The following DLG2 variants were observed in gnomAD, a reference collection of about 807,000 sequenced individuals.
DLG2 encodes the protein discs large MAGUK scaffold protein 2, also known as disks large homolog 2.
Under a neutral mutation model 132.5 loss-of-function variants are expected in DLG2, and 45 were observed. The ratio of observed to expected loss-of-function variants is 0.34; its 90% CI spans 0.27 to 0.44. The LOEUF is 0.44. Among genes scored for constraint, DLG2 ranks in the 20% least tolerant of loss-of-function variants. The pLI, the probability that DLG2 is intolerant of heterozygous loss-of-function variation, is 1.00. For missense variants in DLG2, 1,045 were observed against 1,196.9 expected, an observed-to-expected ratio of 0.87 and a Z score of 1.87; for synonymous variants, 424 against 419.6, an observed-to-expected ratio of 1.01 and a Z score of -0.13.
chr11:83,629,336 C>T lies in DLG2; in HGVS notation c.1940+3875G>A, dbSNP rs191110867. Among the ~76,000 whole-genome samples the T allele has an allele frequency of 3.3e-3, 504 of 152,284 alleles. 1 individual carries two copies. Among genetic ancestry groups the T allele is most frequent in the Non-Finnish European group, 5.3e-3 (361 of 68,012 alleles). The stretch of plus-strand genomic sequence containing the variant: ...TCACAGCAACTGTTTCTTAAATCCA[C>T]ATTCAAAACTCAGAGGTTATTTGCT... On this transcript the variant is annotated intron_variant, in intron 19 of 27. Transcript: ENST00000376104.
At chr11:84,902,878 C>G (rs2091059980) in intron 6 of DLG2, among the ~76,000 whole-genome samples, 1 of 152,192 alleles carries the variant, frequency 6.6e-6, no homozygotes, top group African/African-American at 2.4e-5. Context: ...CTCTCTGCCA[C>G]TCCCGTAACT....
intron 7 of DLG2, among the ~76,000 whole-genome samples, chr11:84,402,881 C>CAAAGAAAAAAAAA (rs2098835032): frequency 1.4e-5 from 1 of 73,914 alleles, no homozygotes; most frequent in Non-Finnish European, 2.4e-5. Flanking sequence ...AACTCCGTCT[C>CAAAGAAAAAAAAA]AAAAAAAAAA....
intron 7 of DLG2, among the ~76,000 whole-genome samples, chr11:84,411,703 C>A (rs12419490): frequency 0.032 from 4,855 of 152,172 alleles, 139 homozygotes; most frequent in South Asian, 0.16. Context: ...AAGATCATGT[C>A]CAGTAGTCCT....
At chr11:83,808,095 A>G (rs971824573) in intron 17 of DLG2, among the ~76,000 whole-genome samples, 3 of 152,112 alleles carry the variant, frequency 2.0e-5, no homozygotes, top group Non-Finnish European at 1.5e-5. Context: ...GGTCATCACA[A>G]TGGGCCACTT....
intron 4 of DLG2, among the ~76,000 whole-genome samples, chr11:85,233,128 C>A (rs1386973838): frequency 2.0e-5 from 3 of 151,636 alleles, no homozygotes; most frequent in South Asian, 2.1e-4. Flanking sequence ...GGAGAAAAGG[C>A]TTTCTGCATG....
chr11:84,172,851 C>CT (rs917956189), intron 8 of DLG2, among the ~76,000 whole-genome samples: 3 of 151,716 alleles, frequency 2.0e-5, no homozygotes, highest in Non-Finnish European at 2.9e-5. Context: ...CCTTAAATAA[C>CT]TTTTTTTTTA....
intron 6 of DLG2, among the ~76,000 whole-genome samples, chr11:84,763,595 A>C (rs2067964205): frequency 6.6e-6 from 1 of 151,976 alleles, no homozygotes; most frequent in Non-Finnish European, 1.5e-5. Flanking sequence ...CATTTTTTCT[A>C]TCTGGGGTCA....
intron 5 of DLG2, among the ~76,000 whole-genome samples, chr11:85,142,586 C>T (rs1255297072): frequency 6.6e-6 from 1 of 151,776 alleles, no homozygotes; most frequent in East Asian, 1.9e-4. Flanking sequence ...CTAGCTAGGA[C>T]TTCCAGTGCT....
chr11:84,505,342 T>C (rs2099235965), intron 7 of DLG2, among the ~76,000 whole-genome samples: 3 of 152,206 alleles, frequency 2.0e-5, no homozygotes, highest in Non-Finnish European at 4.4e-5. Flanking sequence ...ATATTATATG[T>C]AACATCTCAT....
intron 6 of DLG2, among the ~76,000 whole-genome samples, chr11:84,580,356 T>C (rs1032104377): frequency 6.6e-6 from 1 of 152,206 alleles, no homozygotes; most frequent in Non-Finnish European, 1.5e-5. Context: ...TCCAAACAAA[T>C]TGCTAACTCT....
chr11:85,004,942 A>C (rs1754768003), intron 6 of DLG2, among the ~76,000 whole-genome samples: 1 of 152,198 alleles, frequency 6.6e-6, no homozygotes, highest in Admixed American at 6.5e-5. Flanking sequence ...TTCTCTGCAT[A>C]TGGCTAGCTA....
At chr11:83,654,708 T>C (rs2071783123) in intron 18 of DLG2, among the ~76,000 whole-genome samples, 1 of 152,228 alleles carries the variant, frequency 6.6e-6, no homozygotes, top group African/African-American at 2.4e-5. Flanking sequence ...CAGAGAGTCT[T>C]GTATGAGCGA....
At chr11:84,949,378 G>A (rs977815343) in intron 6 of DLG2, among the ~76,000 whole-genome samples, 5 of 152,136 alleles carry the variant, frequency 3.3e-5, no homozygotes, top group African/African-American at 1.2e-4. Context: ...TGCTAATGAA[G>A]TTGAGACAGG....
intron 16 of DLG2, among the ~76,000 whole-genome samples, chr11:83,853,602 C>T (rs1423366151): frequency 6.6e-6 from 1 of 152,148 alleles, no homozygotes. Context: ...ACTTGCTTTT[C>T]TCACTTGACT....
At chr11:84,608,629 C>G (rs1303452797) in intron 6 of DLG2, among the ~76,000 whole-genome samples, 1 of 152,150 alleles carries the variant, frequency 6.6e-6, no homozygotes, top group Admixed American at 6.5e-5. Flanking sequence ...TACTATGAAG[C>G]CTCAGGGCCC....
At position 85,045,644 on chromosome 11, in the gene DLG2, A is replaced by G. The variant is rs79102025; in HGVS notation, c.357+66017T>C. Among the ~76,000 whole-genome samples, 1,111 of 152,168 alleles carry G rather than the reference A, an allele frequency of 7.3e-3. 12 individuals are homozygous for G. The highest frequency in any genetic ancestry group is 0.025 in the African/African-American group (1,058 of 41,550). On this transcript the variant is annotated intron_variant, in intron 6 of 27. Coordinates refer to ENST00000376104, the MANE Select transcript of DLG2 (RefSeq NM_001142699.3). ...ACCTGCTTGAAAATAATTAAACTGG[A>G]TTTCAAAAGTAAAACAAAATATTTT...
chr11:84,916,381 A>C (rs920327769), intron 6 of DLG2, among the ~76,000 whole-genome samples: 20 of 145,210 alleles, frequency 1.4e-4, no homozygotes, highest in African/African-American at 4.6e-4. Flanking sequence ...AAAAAAAAAG[A>C]AGCAGTAAAA....
chr11:84,419,521 C>G (rs560727256), intron 7 of DLG2, among the ~76,000 whole-genome samples: 2 of 152,148 alleles, frequency 1.3e-5, no homozygotes, highest in Non-Finnish European at 2.9e-5. Context: ...AAAAGCCCTT[C>G]CATTAAAAAC....
rs555130869 is a variant in DLG2 at position 84,351,692 on chromosome 11, A to G, written c.520-100401T>C. The stretch of plus-strand genomic sequence containing the variant: ...GAACTTGTAATTTTGACAAATTTGT[A>G]GTCAGCAGAAATATTAATTTGCCAG... On this transcript the variant is annotated intron_variant, in intron 7 of 27. Coordinates refer to ENST00000376104, the MANE Select transcript of DLG2 (RefSeq NM_001142699.3). Among the ~76,000 whole-genome samples, 12 of 152,302 alleles carry G rather than the reference A, an allele frequency of 7.9e-5. No individual in the cohort carries two copies. In the East Asian group the frequency reaches 2.3e-3, roughly 29 times the overall value.
Sources: allele counts gnomAD v4.1 joint callset (sites outside exome capture counted in the v4.1 genomes callset), GRCh38; gene constraint gnomAD v4.1.1; transcripts MANE v1.5; gene names NCBI Gene and HGNC (gene_info 2026-07-23, HGNC 2026-07-21).